Variants in SAMD12 observed in about 807,000 individuals in gnomAD.
SAMD12 encodes sterile alpha motif domain-containing protein 12.
In SAMD12, 9 loss-of-function variants were observed where a neutral mutation model predicts 15.0. The ratio of observed to expected loss-of-function variants is 0.60; its 90% CI spans 0.36 to 1.05. The LOEUF is 1.05. Ranked by LOEUF, SAMD12 falls within the 50% of genes least tolerant of loss-of-function variation. The pLI is 0.01. For synonymous variants in SAMD12, 86 were observed against 90.1 expected (o/e 0.96, Z 0.25); for missense variants, 230 against 234.2 (o/e 0.98, Z 0.12).
chr8:118,175,537 A>ATC, the SAMD12 span, among the ~76,000 whole-genome samples: 9 of 152,240 alleles, frequency 5.9e-5, no homozygotes, highest in Non-Finnish European at 1.0e-4. Context: ...AAAAGGAACC[A>ATC]TCTGCACAGT....
In SAMD12 at chr8:118,217,227, C is replaced by G. The variant is rs527400076; in HGVS notation, c.434-19495G>C. 2.4e-4 allele frequency among the ~76,000 whole-genome samples: 36 copies of G among 152,350 alleles called. No individual in the cohort carries two copies. The South Asian group carries it at 4.8e-3, about 20-fold the overall frequency. The stretch of plus-strand genomic sequence containing the variant: ...CTATGTTGGCCAGGATGGTCTTGAT[C>G]TCTTGACCTTGTGATCTGCCCGCCT... On this transcript the variant is annotated intron_variant, in intron 4 of 4. Transcript: ENST00000409003.
chr8:118,486,142 T>C (rs528057728), intron 2 of SAMD12, among the ~76,000 whole-genome samples: 272 of 151,848 alleles, frequency 1.8e-3, no homozygotes, highest in Middle Eastern at 0.01. Context: ...AGGCTGGGGG[T>C]GGTGGCTCAC....
At chr8:118,336,027 G>A (rs987244089) in intron 4 of SAMD12, among the ~76,000 whole-genome samples, 3 of 152,222 alleles carry the variant, frequency 2.0e-5, no homozygotes, top group South Asian at 2.1e-4. Context: ...CCCAGCCCAC[G>A]TTTTCCTTTA....
chr8:118,278,659 T>C (rs56704931), intron 4 of SAMD12, among the ~76,000 whole-genome samples: 14,241 of 152,098 alleles, frequency 0.094, 980 homozygotes, highest in East Asian at 0.21. Flanking sequence ...CAGGTTGGAG[T>C]AACATACCTA....
chr8:118,284,942 A>AT, intron 4 of SAMD12: 1 of 72,906 alleles, frequency 1.4e-5, no homozygotes, highest in Non-Finnish European at 2.8e-5. Context: ...ACTCCGTCTC[A>AT]AAAAAAAAAA....
At chr8:118,463,440 G>A (rs1208206513) in intron 2 of SAMD12, among the ~76,000 whole-genome samples, 1 of 152,160 alleles carries the variant, frequency 6.6e-6, no homozygotes, top group Admixed American at 6.5e-5. Flanking sequence ...CATCGTGTGG[G>A]AAGTTGAGCA....
At chr8:118,553,181 C>T (rs1268818645) in intron 2 of SAMD12, among the ~76,000 whole-genome samples, 20 of 152,114 alleles carry the variant, frequency 1.3e-4, no homozygotes, top group African/African-American at 4.6e-4. Context: ...GAAAAAACTA[C>T]TTTAAAGTTC....
chr8:118,603,515 T>G (rs1335963147), intron 1 of SAMD12, among the ~76,000 whole-genome samples: 3 of 152,214 alleles, frequency 2.0e-5, no homozygotes, highest in Non-Finnish European at 4.4e-5. Context: ...AAAAAAAGTT[T>G]AAAGCCAGTC....
chr8:118,227,463 C>G (rs1478547956), intron 4 of SAMD12, among the ~76,000 whole-genome samples: 2 of 152,024 alleles, frequency 1.3e-5, no homozygotes, highest in Admixed American at 1.3e-4. Flanking sequence ...AACAAACCCT[C>G]ATGACCGAGT....
intron 4 of SAMD12, among the ~76,000 whole-genome samples, chr8:118,371,743 A>G (rs1004278004): frequency 6.6e-6 from 1 of 152,178 alleles, no homozygotes; most frequent in African/African-American, 2.4e-5. Flanking sequence ...AGAGGTCTAA[A>G]ACGTAAATCT....
intron 1 of SAMD12, among the ~76,000 whole-genome samples, chr8:118,594,229 A>C (rs1827661959): frequency 7.0e-6 from 1 of 142,040 alleles, no homozygotes; most frequent in Non-Finnish European, 1.6e-5. Flanking sequence ...GTCCTCAGCA[A>C]AATGAAGAAA....
intron 3 of SAMD12, among the ~76,000 whole-genome samples, chr8:118,400,956 A>T (rs987964726): frequency 1.6e-4 from 24 of 152,246 alleles, no homozygotes; most frequent in African/African-American, 5.8e-4. Flanking sequence ...TAAGTCTTCC[A>T]CATAAAGATG....
intron 4 of SAMD12, among the ~76,000 whole-genome samples, chr8:118,359,339 C>A (rs1563792937): frequency 1.3e-5 from 2 of 152,126 alleles, no homozygotes; most frequent in Non-Finnish European, 2.9e-5. Context: ...TGACCTTGGA[C>A]TTCTAGCCTC....
At position 118,202,431 on chromosome 8, in the gene SAMD12, A is replaced by G. The variant is rs11562801; in HGVS notation, c.434-4699T>C. The stretch of plus-strand genomic sequence containing the variant: ...CACTCTGGCTCCTGCTCTCTCCCAG[A>G]TTAGCGCAGCCCTTAACAGACAGTT... On this transcript the variant is annotated intron_variant, in intron 4 of 4. Coordinates refer to the SAMD12 transcript ENST00000409003. Among the ~76,000 whole-genome samples the G allele has an allele frequency of 5.2e-3, 793 of 152,240 alleles. 5 individuals are homozygous for G. The highest frequency in any genetic ancestry group is 0.018 in the African/African-American group (731 of 41,554).
At chr8:118,581,211 G>C (rs1049091793) in intron 1 of SAMD12, among the ~76,000 whole-genome samples, 3 of 152,066 alleles carry the variant, frequency 2.0e-5, no homozygotes, top group Non-Finnish European at 2.9e-5. Context: ...TCCCACACAC[G>C]CAATCATGCA....
intron 4 of SAMD12, among the ~76,000 whole-genome samples, chr8:118,371,006 G>A (rs1819070408): frequency 6.6e-6 from 1 of 152,238 alleles, no homozygotes; most frequent in Non-Finnish European, 1.5e-5. Flanking sequence ...CCTGAAAGAT[G>A]AGGTAAGTCT....
At chr8:118,297,234 T>C (rs138191143) in intron 4 of SAMD12, among the ~76,000 whole-genome samples, 1 of 152,340 alleles carries the variant, frequency 6.6e-6, no homozygotes, top group African/African-American at 2.4e-5. Context: ...AGAACATCTT[T>C]TTGACAGTTG....
At chr8:118,363,218 G>A (rs578229308) in intron 4 of SAMD12, among the ~76,000 whole-genome samples, 1 of 152,154 alleles carries the variant, frequency 6.6e-6, no homozygotes, top group Admixed American at 6.5e-5. Flanking sequence ...ACACTGCGAT[G>A]GTTAATTTTG....
At chr8:118,495,563 T>TTC (rs1278234349) in intron 2 of SAMD12, among the ~76,000 whole-genome samples, 4 of 151,790 alleles carry the variant, frequency 2.6e-5, no homozygotes, top group African/African-American at 9.7e-5. Context: ...GCTTTTTTTT[T>TTC]TTTTACCTTA....
Sources: allele counts gnomAD v4.1 joint callset (sites outside exome capture counted in the v4.1 genomes callset), GRCh38; gene constraint gnomAD v4.1.1; transcripts MANE v1.5; gene names NCBI Gene and HGNC (gene_info 2026-07-23, HGNC 2026-07-21).